The following ZNF214 variants were observed in gnomAD, a reference collection of about 807,000 sequenced individuals.
ZNF214 encodes the protein BWSCR2-associated zinc finger protein 1.
Under a neutral mutation model 53.9 loss-of-function variants are expected in ZNF214, and 43 were observed. That is an observed-to-expected ratio of 0.80 (90% CI 0.63 to 1.03). The LOEUF is 1.03. Among genes scored for constraint, ZNF214 ranks in the 50% least tolerant of loss-of-function variants. The probability of loss-of-function intolerance (pLI) is 0.00; values close to 1 mark genes in which losing one functional copy is unlikely to be tolerated. For missense variants in ZNF214, 724 were observed against 719.1 expected (o/e 1.01, Z -0.08); for synonymous variants, 217 against 229.5 (o/e 0.95, Z 0.49).
intron 1 of ZNF214, among the ~76,000 whole-genome samples, chr11:7,011,985 G>A (rs1435237129): frequency 6.6e-6 from 1 of 152,126 alleles, no homozygotes; most frequent in African/African-American, 2.4e-5. Context: ...CCACGCTCTT[G>A]GATGCAGTAA....
At position 7,000,004 on chromosome 11, in the gene ZNF214, C is replaced by G; in HGVS notation, c.1679G>C (p.Gly560Ala). The change falls in exon 3 of 3, where the codon GGT (glycine) becomes GCT (alanine). Residue 560 changes from glycine (G) to alanine (A), a missense_variant. Transcript: ENST00000278314. The stretch of plus-strand genomic sequence containing the variant: ...AGCTGAGCTATGACTGAAACCTTTA[C>G]CACACTTAGCACATTGATAAGGCTT... ...GEKPYQCAKC[G>A]KGFSHSSALR... is the part of the protein sequence containing the mutation. The G allele has an allele frequency of 6.2e-7, 1 of 1,613,274 alleles. No individual in the cohort carries two copies. Among genetic ancestry groups the G allele is most frequent in the East Asian group, 2.2e-5 (1 of 44,854 alleles).
At chr11:7,018,321 G>A (rs1851822717) in intron 1 of ZNF214, among the ~76,000 whole-genome samples, 1 of 151,932 alleles carries the variant, frequency 6.6e-6, no homozygotes, top group South Asian at 2.1e-4. Flanking sequence ...CCCTCAAATT[G>A]TACCTGAGAG....
rs776196805 is a variant in ZNF214, at chr11:7,001,308, G to A, written c.375C>T (p.Ser125=). Residue 125 remains serine, a synonymous_variant, in exon 3 of 3, where the codon AGC becomes AGT. Coordinates refer to ENST00000278314, the MANE Select transcript of ZNF214 (RefSeq NM_013249.4). ...TATATTTTAAGTTCCTGAGACTTTT[G>A]CTTTCAAAAGTCAGTTCATAGTTCC... is the stretch of plus-strand genomic sequence containing the variant. ...GYGNYELTFE[S]KSLRNLKYKN... 6.2e-7 allele frequency: 1 copy of A among 1,612,856 alleles called. No homozygotes were observed. The highest frequency in any genetic ancestry group is 1.3e-5 in the African/African-American group (1 of 74,778).
chr11:7,000,230 G>A lies in ZNF214; in HGVS notation c.1453C>T (p.Leu485Phe), dbSNP rs771410247. 6.8e-6 allele frequency: 11 copies of A among 1,613,354 alleles called. No homozygotes were observed. In the South Asian group the frequency reaches 9.9e-5, roughly 14 times the overall value. Reference protein sequence around the residue: ...CGKGFSKSSKLHTHQRVHTGE... With the variant: ...CGKGFSKSSKFHTHQRVHTGE... ...GTATGTACTCTTTGATGAGTGTGAA[G>A]CTTTGAACTCTTACTGAAGCCCTTC... Residue 485 changes from leucine (L) to phenylalanine (F), a missense_variant, in exon 3 of 3, where the codon CTT becomes TTT. Transcript: ENST00000278314.
Position 7,002,777 on chromosome 11 carries a change from A to G in ZNF214, c.59T>C (p.Leu20Pro). 6.2e-7 allele frequency: 1 copy of G among 1,610,194 alleles called. No individual in the cohort carries two copies. The highest frequency in any genetic ancestry group is 8.5e-7 in the Non-Finnish European group (1 of 1,178,188). ...GTAGAGTCTTTTTTGAGAAGAATCC[A>G]GGAATTTCCACTCCTCCCATGTAAA... ...IIFTWEEWKF[L>P]DSSQKRLYRE... The change falls in exon 2 of 3, where the codon CTG becomes CCG. Residue 20 changes from leucine to proline, a missense_variant. Physicochemically the swap from Leu to Pro is moderately conservative, Grantham distance 98 (BLOSUM62 -3). Coordinates refer to ENST00000278314, the MANE Select transcript of ZNF214 (RefSeq NM_013249.4).
chr11:7,000,389 G>A lies in ZNF214; in HGVS notation c.1294C>T (p.His432Tyr), dbSNP rs760450588. 15 of 1,613,286 alleles carry A rather than the reference G, an allele frequency of 9.3e-6. No homozygotes were observed. The highest frequency in any genetic ancestry group is 8.5e-7 in the Non-Finnish European group (1 of 1,179,598). Residue 432 changes from histidine to tyrosine, a missense_variant, in exon 3 of 3, where the codon CAT (histidine) becomes TAT (tyrosine). By Grantham distance (83) the His-to-Tyr change is moderately conservative (BLOSUM62 2). Transcript: ENST00000278314. ...TTCTCTCCTGTATGCACTCTCTGAT[G>A]AATTTGAAGATTTGAGCGCTGGGTA... ...GFTQRSNLQI[H>Y]QRVHTGEKPY...
At position 7,001,508 on chromosome 11, in the gene ZNF214, A is replaced by G. The variant is rs765727862; in HGVS notation, c.175T>C (p.Leu59=). The change falls in exon 3 of 3, where the codon TTA becomes CTA. Residue 59 remains leucine (L), a synonymous_variant. Coordinates refer to ENST00000278314, the MANE Select transcript of ZNF214 (RefSeq NM_013249.4). ...CAGTAGGAAAAATTTTCATATTCTAAGTATCTGAATTTTTCTTCTTGGGAT... is the reference window on the plus strand; with the variant it reads ...CAGTAGGAAAAATTTTCATATTCTAGGTATCTGAATTTTTCTTCTTGGGAT... ...YKSQEEKFRY[L]EYENFSYWQG... 17 of 1,610,286 alleles carry G rather than the reference A, an allele frequency of 1.1e-5. No individual in the cohort carries two copies. The East Asian group carries it at 3.8e-4, about 36-fold the overall frequency.
chr11:7,013,403 T>A (rs1244647467), intron 1 of ZNF214, among the ~76,000 whole-genome samples: 1 of 152,260 alleles, frequency 6.6e-6, no homozygotes, highest in African/African-American at 2.4e-5. Flanking sequence ...CTTTGGAATG[T>A]GTCTAGACTT....
intron 1 of ZNF214, among the ~76,000 whole-genome samples, chr11:7,003,636 G>T (rs570234569): frequency 6.6e-6 from 1 of 151,886 alleles, no homozygotes; most frequent in African/African-American, 2.4e-5. Flanking sequence ...ATAAAAGTGA[G>T]ATAAATTAAA....
chr11:7,013,717 C>A (rs187531088), intron 1 of ZNF214, among the ~76,000 whole-genome samples: 5 of 152,260 alleles, frequency 3.3e-5, no homozygotes, highest in Non-Finnish European at 7.4e-5. Flanking sequence ...TTTGTCACCC[C>A]CACGACCTGG....
At chr11:7,019,001 C>T (rs748668723) in intron 1 of ZNF214, among the ~76,000 whole-genome samples, 53 of 152,248 alleles carry the variant, frequency 3.5e-4, no homozygotes, top group South Asian at 1.9e-3. Flanking sequence ...CTCATTGCCA[C>T]CTCCACCACC....
At position 6,998,126 on chromosome 11, in the gene ZNF214, A is replaced by G. The variant is rs145725584; in HGVS notation, c.*1736T>C. On this transcript the variant is annotated 3_prime_UTR_variant, in exon 3 of 3. Coordinates refer to ENST00000278314, the MANE Select transcript of ZNF214 (RefSeq NM_013249.4). ...ACACTTTTGTTATAAAACTGGTGAT[A>G]ATAAACTTTTCAAATCTCAAAATTC... 1.3e-5 allele frequency among the ~76,000 whole-genome samples: 2 copies of G among 152,090 alleles called. No homozygotes were observed. Among genetic ancestry groups the G allele is most frequent in the Non-Finnish European group, 2.9e-5 (2 of 67,890 alleles).
At chr11:7,015,089 A>ATT (rs58140877) in intron 1 of ZNF214, among the ~76,000 whole-genome samples, 1 of 119,586 alleles carries the variant, frequency 8.4e-6, no homozygotes, top group African/African-American at 3.0e-5. Context: ...AATAATTAGA[A>ATT]TTTTTTTTTT....
rs1315142771 is a variant in ZNF214, at chr11:6,997,732, A to T, written c.*2130T>A. Among the ~76,000 whole-genome samples the T allele has an allele frequency of 6.6e-6, 1 of 151,858 alleles. No homozygotes were observed. The highest frequency in any genetic ancestry group is 1.5e-5 in the Non-Finnish European group (1 of 67,864). On this transcript the variant is annotated 3_prime_UTR_variant, in exon 3 of 3. Coordinates refer to ENST00000278314, the MANE Select transcript of ZNF214 (RefSeq NM_013249.4). ...CAACTAAAAACAGAAATGACCAGTT[A>T]AATTTGAATTTCAAATGTATGAAAT...
intron 1 of ZNF214, 97 bp downstream of exon 1, chr11:7,019,976 T>C (rs1413726807): frequency 1.3e-5 from 2 of 152,248 alleles, no homozygotes; most frequent in Non-Finnish European, 1.5e-5. Context: ...GCGGCCTCCG[T>C]TGCTTATCCA....
intron 1 of ZNF214, among the ~76,000 whole-genome samples, chr11:7,018,192 T>C (rs1851820474): frequency 6.6e-6 from 1 of 152,118 alleles, no homozygotes; most frequent in Non-Finnish European, 1.5e-5. Context: ...GTCAATATGG[T>C]TCATGTGAAG....
chr11:7,018,239 T>C (rs141996579), intron 1 of ZNF214, among the ~76,000 whole-genome samples: 67 of 152,258 alleles, frequency 4.4e-4, no homozygotes, highest in Non-Finnish European at 7.5e-4. Flanking sequence ...TAAACATTAA[T>C]TGCCTTCCAC....
In ZNF214 at chr11:7,004,484, G is replaced by T. The variant is rs533658509; in HGVS notation, c.-20-1629C>A. Reference sequence around the variant, plus strand: ...TTATTTGATCCTTTCCATTCAAGAAGTGAAGCCTAATTCCCCACCCCTTGA... The same window carrying T: ...TTATTTGATCCTTTCCATTCAAGAATTGAAGCCTAATTCCCCACCCCTTGA... On this transcript the variant is annotated intron_variant, in intron 1 of 2. Transcript: ENST00000278314. Among the ~76,000 whole-genome samples, 3 of 152,170 alleles carry T rather than the reference G, an allele frequency of 2.0e-5. No individual in the cohort carries two copies. In the East Asian group the frequency reaches 5.8e-4, roughly 29 times the overall value.
At position 7,001,505 on chromosome 11, in the gene ZNF214, C is replaced by A; in HGVS notation, c.178G>T (p.Glu60Ter). The change falls in exon 3 of 3, where the codon GAA becomes TAA. Residue 60 changes from glutamate to a stop codon, truncating the protein, a stop_gained. Coordinates refer to ENST00000278314, the MANE Select transcript of ZNF214 (RefSeq NM_013249.4). LOFTEE classifies it high-confidence loss of function. ...TGCCAGTAGGAAAAATTTTCATATTCTAAGTATCTGAATTTTTCTTCTTGG... is the reference window on the plus strand; with the variant it reads ...TGCCAGTAGGAAAAATTTTCATATTATAAGTATCTGAATTTTTCTTCTTGG... Reference protein sequence around the residue: ...KSQEEKFRYLEYENFSYWQGW... With the variant: ...KSQEEKFRYL The A allele has an allele frequency of 6.2e-7, 1 of 1,610,712 alleles. No individual in the cohort carries two copies. The highest frequency in any genetic ancestry group is 2.2e-5 in the East Asian group (1 of 44,832).
Sources: allele counts gnomAD v4.1 joint callset (sites outside exome capture counted in the v4.1 genomes callset), GRCh38; gene constraint gnomAD v4.1.1; transcripts MANE v1.5; gene names NCBI Gene and HGNC (gene_info 2026-07-23, HGNC 2026-07-21).